Variants in TRIM67 observed in about 807,000 individuals in gnomAD.
TRIM67 encodes tripartite motif-containing protein 67.
In TRIM67, 39 loss-of-function variants were observed where a neutral mutation model predicts 71.0. The ratio of observed to expected loss-of-function variants is 0.55; its 90% CI spans 0.43 to 0.72. The LOEUF (loss-of-function observed/expected upper bound fraction) is 0.72. Among genes scored for constraint, TRIM67 ranks in the 30% least tolerant of loss-of-function variants. The pLI, the probability that TRIM67 is intolerant of heterozygous loss-of-function variation, is 0.00. For synonymous variants in TRIM67, 481 were observed against 473.9 expected, an observed-to-expected ratio of 1.01 and a Z score of -0.19; for missense variants, 973 against 1,079.2, an observed-to-expected ratio of 0.90 and a Z score of 1.38.
intron 1 of TRIM67, among the ~76,000 whole-genome samples, chr1:231,180,998 G>A (rs372646223): frequency 8.5e-5 from 13 of 152,048 alleles, no homozygotes; most frequent in Non-Finnish European, 1.6e-4. Context: ...ATGGAGTCTC[G>A]CTCTGTCGCC....
At chr1:231,195,116 G>A (rs979295635) in intron 1 of TRIM67, among the ~76,000 whole-genome samples, 1 of 152,294 alleles carries the variant, frequency 6.6e-6, no homozygotes, top group South Asian at 2.1e-4. Flanking sequence ...AGGGCCTCGG[G>A]ATAAGAGCCT....
At chr1:231,182,728 T>G (rs1682940036) in intron 1 of TRIM67, among the ~76,000 whole-genome samples, 4 of 152,156 alleles carry the variant, frequency 2.6e-5, no homozygotes, top group Admixed American at 2.6e-4. Flanking sequence ...CAGCAGGAAC[T>G]GACAAGCCCA....
chr1:231,174,305 C>T (rs1439546856), intron 1 of TRIM67, among the ~76,000 whole-genome samples: 1 of 151,758 alleles, frequency 6.6e-6, no homozygotes, highest in Non-Finnish European at 1.5e-5. Flanking sequence ...ACTAGAGGCA[C>T]ATGCCATCAT....
At chr1:231,182,189 A>G (rs2102727750) in intron 1 of TRIM67, among the ~76,000 whole-genome samples, 1 of 152,294 alleles carries the variant, frequency 6.6e-6, no homozygotes, top group East Asian at 1.9e-4. Flanking sequence ...CCGATTAAAA[A>G]CTAATTCACT....
rs778145017 is a variant in TRIM67 at position 231,206,645 on chromosome 1, C to T, written c.1681-7C>T. The T allele has an allele frequency of 4.4e-6, 7 of 1,586,270 alleles. No individual in the cohort carries two copies. The East Asian group carries it at 1.6e-4, about 36-fold the overall frequency. Reference sequence around the variant, plus strand: ...GGAGCCTGGTGAGCAGCATTGCTCTCTTTCAGGAAGTGTACGTCGGTAAGG... The same window carrying T: ...GGAGCCTGGTGAGCAGCATTGCTCTTTTTCAGGAAGTGTACGTCGGTAAGG... On this transcript the variant is annotated splice_polypyrimidine_tract_variant and splice_region_variant and intron_variant, in intron 6 of 9. Coordinates refer to ENST00000366653, the MANE Select transcript of TRIM67 (RefSeq NM_001004342.5).
chr1:231,201,471 G>C lies in TRIM67; in HGVS notation c.1488G>C (p.Leu496=). ...EFDLTLDSEP[L]LQAIHQLDFI... ...ATCTGACTTTGGACAGCGAGCCGCT[G>C]CTGCAGGCCATCCACCAGCTGGACT... Residue 496 remains leucine, a synonymous_variant, in exon 5 of 10, where the codon CTG becomes CTC. Transcript: ENST00000366653. The C allele has an allele frequency of 6.2e-7, 1 of 1,613,912 alleles. No individual in the cohort carries two copies. The highest frequency in any genetic ancestry group is 2.2e-5 in the East Asian group (1 of 44,882).
rs1684091347 is a variant in TRIM67 at position 231,219,543 on chromosome 1, G to A, written c.*4103G>A. On this transcript the variant is annotated 3_prime_UTR_variant, in exon 10 of 10. Coordinates refer to ENST00000366653, the MANE Select transcript of TRIM67 (RefSeq NM_001004342.5). Reference sequence around the variant, plus strand: ...AAAATGGGGTGAGCCACCTCCAACAGATGCCAACCTGTTGGGTCTTGAATT... The same window carrying A: ...AAAATGGGGTGAGCCACCTCCAACAAATGCCAACCTGTTGGGTCTTGAATT... The A allele has an allele frequency of 9.2e-7, 1 of 1,085,070 alleles. No individual in the cohort carries two copies. Among genetic ancestry groups the A allele is most frequent in the Non-Finnish European group, 1.1e-6 (1 of 889,504 alleles). 67.2% of individuals were successfully genotyped at this position (1,085,070 alleles called of 1,614,324 possible).
Position 231,194,034 on chromosome 1 carries a change from C to A in TRIM67, c.1045-3337C>A, listed in dbSNP as rs191349337. Reference sequence around the variant, plus strand: ...CGTGAGGACCTAACCCAGAAGAGGGCCCTCACCCTGAACCAACCGCACTGG... The same window carrying A: ...CGTGAGGACCTAACCCAGAAGAGGGACCTCACCCTGAACCAACCGCACTGG... On this transcript the variant is annotated intron_variant, in intron 1 of 9. Coordinates refer to ENST00000366653, the MANE Select transcript of TRIM67 (RefSeq NM_001004342.5). Among the ~76,000 whole-genome samples the A allele has an allele frequency of 2.6e-3, 392 of 152,292 alleles. 3 individuals carry two copies. Among genetic ancestry groups the A allele is most frequent in the Admixed American group, 0.023 (354 of 15,300 alleles).
In TRIM67 at chr1:231,215,690, C is replaced by T. The variant is rs1024055454; in HGVS notation, c.*250C>T. 2.2e-5 allele frequency: 28 copies of T among 1,248,710 alleles called. No individual in the cohort carries two copies. The highest frequency in any genetic ancestry group is 9.4e-5 in the East Asian group (3 of 31,922). The allele number at this position is 1,248,710 out of a possible 1,614,324, so 77.4% of individuals were successfully genotyped here. On this transcript the variant is annotated 3_prime_UTR_variant, in exon 10 of 10. Transcript: ENST00000366653. ...TCACCCTTATTCCACCCAGACATTA[C>T]GAACACTCCCCAAGAAGGACCTTTC...
In TRIM67 at chr1:231,217,776, T is replaced by C; in HGVS notation, c.*2336T>C. The stretch of plus-strand genomic sequence containing the variant: ...GCCCATCATTGGAGCACAAGTTGCC[T>C]GGGGCTACCCTGAACCTAACCCCTT... On this transcript the variant is annotated 3_prime_UTR_variant, in exon 10 of 10. Coordinates refer to ENST00000366653, the MANE Select transcript of TRIM67 (RefSeq NM_001004342.5). 1 of 1,283,440 alleles carries C rather than the reference T, an allele frequency of 7.8e-7. No individual in the cohort carries two copies. Among genetic ancestry groups the C allele is most frequent in the Non-Finnish European group, 1.0e-6 (1 of 985,968 alleles). The allele number at this position is 1,283,440 out of a possible 1,614,324, so 79.5% of individuals were successfully genotyped here.
chr1:231,194,367 G>C (rs1280112824), intron 1 of TRIM67, among the ~76,000 whole-genome samples: 1 of 152,186 alleles, frequency 6.6e-6, no homozygotes, highest in Non-Finnish European at 1.5e-5. Context: ...GTTGTCCTGG[G>C]CTCTGCACCC....
At chr1:231,200,359 T>C (rs1683486782) in intron 4 of TRIM67, 101 bp downstream of exon 4, 1 of 730,540 alleles carries the variant, frequency 1.4e-6, no homozygotes, top group Admixed American at 2.0e-5. Context: ...ACGGCTTGGA[T>C]TGAGTAGATT....
intron 1 of TRIM67, among the ~76,000 whole-genome samples, chr1:231,193,268 T>G (rs775128790): frequency 6.6e-5 from 10 of 152,176 alleles, no homozygotes; most frequent in Non-Finnish European, 1.3e-4. Flanking sequence ...GGGATAGAAA[T>G]GTAGAGACAA....
intron 1 of TRIM67, among the ~76,000 whole-genome samples, chr1:231,180,463 A>C (rs925393045): frequency 6.6e-6 from 1 of 152,078 alleles, no homozygotes; most frequent in African/African-American, 2.4e-5. Flanking sequence ...GAACAACTTC[A>C]TTCTTACCTC....
At chr1:231,205,325 T>A (rs1330986884) in intron 6 of TRIM67, among the ~76,000 whole-genome samples, 2 of 152,220 alleles carry the variant, frequency 1.3e-5, no homozygotes, top group African/African-American at 4.8e-5. Flanking sequence ...ATTATTTAAT[T>A]AGCAGAAAAT....
At chr1:231,166,506 G>T (rs1682469086) in intron 1 of TRIM67, among the ~76,000 whole-genome samples, 1 of 151,492 alleles carries the variant, frequency 6.6e-6, no homozygotes, top group Non-Finnish European at 1.5e-5. Flanking sequence ...CCCACTGTTG[G>T]CAATTTAAGT....
intron 5 of TRIM67, 75 bp from the exon 6 acceptor site, chr1:231,203,791 GA>G: frequency 2.6e-6 from 4 of 1,520,548 alleles, no homozygotes; most frequent in Middle Eastern, 2.3e-4. Flanking sequence ...GGACCCCTGG[GA>G]TGGGGTGGGG....
rs1471058828 is a variant in TRIM67 at position 231,186,078 on chromosome 1, C to A, written c.1045-11293C>A. On this transcript the variant is annotated intron_variant, in intron 1 of 9. Coordinates refer to ENST00000366653, the MANE Select transcript of TRIM67 (RefSeq NM_001004342.5). ...TGTTCCCCGTGAGCAGAACTCACCT[C>A]TCTCCTGATAGGCGGCTGGCAGTCG... The A allele has an allele frequency of 4.6e-6, 7 of 1,533,048 alleles. No homozygotes were observed. The South Asian group carries it at 7.1e-5, about 16-fold the overall frequency. 95.0% of individuals were successfully genotyped at this position (1,533,048 alleles called of 1,614,324 possible).
rs1683818030 is a variant in TRIM67, at chr1:231,209,784, C to T, written c.2123+534C>T. On this transcript the variant is annotated intron_variant, in intron 8 of 9. Coordinates refer to ENST00000366653, the MANE Select transcript of TRIM67 (RefSeq NM_001004342.5). The surrounding 1 kb of genome is among the most constrained non-coding windows in gnomAD (Gnocchi z 4.1). ...GGCTGGGGTGCTCACTACTAACGAG[C>T]CTGCCAAGGGTGCCCACAGCTGTGG... Among the ~76,000 whole-genome samples, 1 of 152,212 alleles carries T rather than the reference C, an allele frequency of 6.6e-6. No homozygotes were observed. The highest frequency in any genetic ancestry group is 2.1e-4 in the South Asian group (1 of 4,834).
Sources: gnomAD v4.1 joint callset for allele counts (sites outside exome capture counted in the v4.1 genomes callset) on GRCh38, gnomAD v4.1.1 for gene constraint, Gnocchi (gnomAD v3.1) non-coding constraint, MANE v1.5 for transcripts, NCBI Gene and HGNC (gene_info 2026-07-23, HGNC 2026-07-21) for gene names.